The following ZFHX4 variants were observed in gnomAD, a reference collection of about 807,000 sequenced individuals.
ZFHX4 encodes the protein zinc finger homeobox 4, also known as zinc finger homeobox protein 4.
Under a neutral mutation model 267.6 loss-of-function variants are expected in ZFHX4, and 56 were observed. The ratio of observed to expected loss-of-function variants is 0.21; its 90% CI spans 0.17 to 0.26. ZFHX4 has a LOEUF of 0.26. ZFHX4 is among the 10% of genes least tolerant of loss of function. The pLI, the probability that ZFHX4 is intolerant of heterozygous loss-of-function variation, is 1.00. For missense variants in ZFHX4, 4,332 were observed against 4,420.0 expected, an observed-to-expected ratio of 0.98 and a Z score of 0.56; for synonymous variants, 1,778 against 1,665.6, an observed-to-expected ratio of 1.07 and a Z score of -1.64.
At chr8:76,714,872 G>A (rs1808523398) in intron 3 of ZFHX4, among the ~76,000 whole-genome samples, 1 of 152,120 alleles carries the variant, frequency 6.6e-6, no homozygotes, top group South Asian at 2.1e-4. Flanking sequence ...AGATGTCGGG[G>A]ACATTAAAGT....
At chr8:76,719,150 ATGTGTG>A (rs10589034) in intron 3 of ZFHX4, among the ~76,000 whole-genome samples, 4,448 of 134,424 alleles carry the variant, frequency 0.033, 162 homozygotes, top group East Asian at 0.23. Flanking sequence ...GATGAATTGC[ATGTGTG>A]TGTGTGTGTG....
At position 76,851,739 on chromosome 8, in the gene ZFHX4, A is replaced by G. The variant is rs774638262; in HGVS notation, c.4818A>G (p.Ser1606=). Residue 1606 remains serine (S), a synonymous_variant, in exon 10 of 11, where the codon TCA becomes TCG. Coordinates refer to ENST00000651372, the MANE Select transcript of ZFHX4 (RefSeq NM_024721.5). ...SICNVAYSQS[S]TLEIHMRSVL... Reference sequence around the variant, plus strand: ...GCAATGTTGCATACAGCCAAAGCTCAACATTGGAAATCCACATGAGGTCTG... The same window carrying G: ...GCAATGTTGCATACAGCCAAAGCTCGACATTGGAAATCCACATGAGGTCTG... The G allele has an allele frequency of 2.5e-6, 4 of 1,614,024 alleles. No homozygotes were observed. The highest frequency in any genetic ancestry group is 3.4e-6 in the Non-Finnish European group (4 of 1,179,892).
rs1309196920 is a variant in ZFHX4, at chr8:76,849,186, G to A, written c.3645+58G>A. On this transcript the variant is annotated intron_variant, in intron 7 of 10. Transcript: ENST00000651372. ...TCTTTATTTTTTATTGCTCCTGATA[G>A]TTTTAAAGCCCCAAATGATTCCATG... is the stretch of plus-strand genomic sequence containing the variant. 2.0e-6 allele frequency: 3 copies of A among 1,489,302 alleles called. No individual in the cohort carries two copies. In the African/African-American group the frequency reaches 4.2e-5, roughly 21 times the overall value. 92.3% of individuals were successfully genotyped at this position (1,489,302 alleles called of 1,614,324 possible).
chr8:76,782,901 G>A (rs7003295), intron 4 of ZFHX4, among the ~76,000 whole-genome samples: 42,962 of 151,736 alleles, frequency 0.28, 8,359 homozygotes, highest in African/African-American at 0.54. Flanking sequence ...ATCAGCTCTC[G>A]TGCTATAAAC....
intron 1 of ZFHX4, among the ~76,000 whole-genome samples, chr8:76,699,985 G>A (rs182358609): frequency 5.3e-5 from 8 of 151,874 alleles, no homozygotes; most frequent in Admixed American, 2.6e-4. Flanking sequence ...TATATGTGCC[G>A]TTTTCACACT....
intron 1 of ZFHX4, among the ~76,000 whole-genome samples, chr8:76,688,866 T>A (rs1018707670): frequency 7.9e-5 from 12 of 152,110 alleles, no homozygotes; most frequent in Admixed American, 6.5e-5. Flanking sequence ...TGTTGCTAGA[T>A]TTTAGAACTT....
At chr8:76,778,481 C>T (rs562963226) in intron 4 of ZFHX4, 42 bp downstream of exon 4, 2 of 1,475,942 alleles carry the variant, frequency 1.4e-6, no homozygotes, top group African/African-American at 2.8e-5. Context: ...CCTCCCTCCA[C>T]ACCACTTCAT....
chr8:76,853,077 TC>T lies in ZFHX4; in HGVS notation c.6158del (p.Pro2053LeufsTer30). The T allele has an allele frequency of 2.4e-6, 1 of 421,576 alleles. No individual in the cohort carries two copies. The highest frequency in any genetic ancestry group is 4.2e-6 in the Non-Finnish European group (1 of 240,068). 26.1% of individuals were successfully genotyped at this position (421,576 alleles called of 1,614,324 possible). A position where few individuals can be genotyped will look rare whatever the true frequency, so the allele number is the denominator to read the frequency against. ...PPPPPPPPPP[P>X]PPPPPPPPSA... The stretch of plus-strand genomic sequence containing the variant: ...CACCACCACCACCTCCTCCTCCTCC[TC>T]CTCCTCCCCCCCCACCTCCTCCACC... On this transcript the variant is annotated frameshift_variant, in exon 10 of 11. Transcript: ENST00000651372. LOFTEE classifies it high-confidence loss of function.
chr8:76,782,157 A>C (rs957368926), intron 4 of ZFHX4: 1 of 410,164 alleles, frequency 2.4e-6, no homozygotes, highest in Non-Finnish European at 4.8e-6. Context: ...TTCTTGCCAA[A>C]TCTTCTGGAG....
chr8:76,857,354 TTA>T (rs10576780), intron 10 of ZFHX4, among the ~76,000 whole-genome samples: 19,329 of 143,226 alleles, frequency 0.13, 1,304 homozygotes, highest in Middle Eastern at 0.24. Flanking sequence ...TTCACTAATT[TTA>T]TATATATATA....
intron 6 of ZFHX4, 52 bp from the exon 7 acceptor site, chr8:76,848,943 A>G (rs1812434554): frequency 7.0e-7 from 1 of 1,430,786 alleles, no homozygotes; most frequent in Admixed American, 3.3e-5. Context: ...AATTTTTCTC[A>G]TTTCGGAATT....
chr8:76,855,410 C>G lies in ZFHX4; in HGVS notation c.8489C>G (p.Ser2830Cys). ...GAAATGGAAAGCACCACAGGAAGTT[C>G]CGGAGATGTGAAACCGGCTTTGTCT... is the stretch of plus-strand genomic sequence containing the variant. ...NTEMESTTGS[S>C]GDVKPALSPK... Residue 2830 changes from serine to cysteine, a missense_variant, in exon 10 of 11, where the codon TCC becomes TGC. Around this residue, in one of 7 missense-constraint regions of ZFHX4, gnomAD observed 1,648 missense variants for 1,625.0 expected, o/e 1.01. Transcript: ENST00000651372. The G allele has an allele frequency of 6.2e-7, 1 of 1,613,632 alleles. No individual in the cohort carries two copies. The highest frequency in any genetic ancestry group is 8.5e-7 in the Non-Finnish European group (1 of 1,179,832).
intron 4 of ZFHX4, among the ~76,000 whole-genome samples, chr8:76,808,624 TA>T (rs1202448834): frequency 6.6e-6 from 1 of 152,172 alleles, no homozygotes; most frequent in Non-Finnish European, 1.5e-5. Flanking sequence ...ATGGATCTCT[TA>T]ATTGAAAGTT....
In ZFHX4 at chr8:76,681,594, G is replaced by A; in HGVS notation, c.-73G>A. On this transcript the variant is annotated 5_prime_UTR_variant, in exon 1 of 11. Coordinates refer to ENST00000651372, the MANE Select transcript of ZFHX4 (RefSeq NM_024721.5). ...GCAAAACAAAAAAGAGGCGAAGATC[G>A]AGTAGGAACTGCAGGGGAAATGGAA... 2.5e-6 allele frequency: 1 copy of A among 398,040 alleles called. No homozygotes were observed. 24.7% of individuals were successfully genotyped at this position (398,040 alleles called of 1,614,324 possible).
In ZFHX4 at chr8:76,863,479, T is replaced by G. The variant is rs746726888; in HGVS notation, c.9765T>G (p.Ala3255=). The change falls in exon 11 of 11, where the codon GCT becomes GCG. Residue 3255 remains alanine (A), a synonymous_variant. Transcript: ENST00000651372. ...ALQNAIAGDP[A]SFIGGQFLPY... is the part of the protein sequence containing the mutation. ...AGAATGCAATTGCTGGTGACCCAGC[T>G]TCCTTTATAGGCGGACAGTTCTTGC... 9.3e-6 allele frequency: 15 copies of G among 1,613,580 alleles called. No individual in the cohort carries two copies. The Admixed American group carries it at 1.8e-4, about 20-fold the overall frequency.
At chr8:76,740,987 A>G (rs986028361) in intron 3 of ZFHX4, among the ~76,000 whole-genome samples, 1 of 152,166 alleles carries the variant, frequency 6.6e-6, no homozygotes. Context: ...TTAAAGGAGG[A>G]TGAGATTTCC....
At chr8:76,811,600 G>T (rs933490396) in intron 4 of ZFHX4, among the ~76,000 whole-genome samples, 2 of 152,086 alleles carry the variant, frequency 1.3e-5, no homozygotes, top group African/African-American at 4.8e-5. Flanking sequence ...ATTTGGTTTG[G>T]CCTTCTGTAC....
intron 3 of ZFHX4, among the ~76,000 whole-genome samples, chr8:76,757,644 A>G (rs1363217281): frequency 1.3e-5 from 2 of 152,198 alleles, no homozygotes; most frequent in Non-Finnish European, 2.9e-5. Context: ...ATGAGGAGGA[A>G]AGTGCAGAGA....
chr8:76,855,462 T>G lies in ZFHX4; in HGVS notation c.8541T>G (p.Thr2847=), dbSNP rs374552072. Residue 2847 remains threonine (T), a synonymous_variant, in exon 10 of 11, where the codon ACT becomes ACG. Transcript: ENST00000651372. ...CCAAAGAGCCAAAAACTCTGGATAC[T>G]CTGCCAAAACCTGCAACCACACCTA... ...LSPKEPKTLD[T]LPKPATTPTT... 3.7e-6 allele frequency: 6 copies of G among 1,613,376 alleles called. No homozygotes were observed. The highest frequency in any genetic ancestry group is 5.1e-6 in the Non-Finnish European group (6 of 1,179,802).
Sources: gnomAD v4.1 joint callset for allele counts (sites outside exome capture counted in the v4.1 genomes callset) on GRCh38, gnomAD v4.1.1 for gene constraint, gnomAD v4.1.1 regional missense constraint, MANE v1.5 for transcripts, NCBI Gene and HGNC (gene_info 2026-07-23, HGNC 2026-07-21) for gene names.